PKD1L1: variants seen among roughly 807,000 people sequenced by gnomAD.
PKD1L1 encodes polycystin-1-like protein 1.
A neutral mutation model predicts 323.4 loss-of-function variants in PKD1L1; 236 were observed. That is an observed-to-expected ratio of 0.73 (90% CI 0.66 to 0.81). The LOEUF is 0.81. PKD1L1 is among the 40% of genes least tolerant of loss of function. The probability of loss-of-function intolerance (pLI) is 0.00; values close to 1 mark genes in which losing one functional copy is unlikely to be tolerated. For missense variants in PKD1L1, 3,320 were observed against 3,508.0 expected (o/e 0.95, Z 1.35); for synonymous variants, 1,344 against 1,335.0 (o/e 1.01, Z -0.15).
chr7:47,923,730 G>A (rs1185187301), intron 7 of PKD1L1, among the ~76,000 whole-genome samples: 1 of 151,880 alleles, frequency 6.6e-6, no homozygotes, highest in Non-Finnish European at 1.5e-5. Context: ...TTATGAGGAA[G>A]AACCATGAAT....
At chr7:47,781,463 C>T (rs1404314244) in intron 56 of PKD1L1, among the ~76,000 whole-genome samples, 1 of 139,742 alleles carries the variant, frequency 7.2e-6, no homozygotes, top group East Asian at 2.2e-4. Flanking sequence ...GGCTGGAGTG[C>T]AGTGGCGTGA....
At chr7:47,887,592 C>T (rs945669745) in intron 17 of PKD1L1, among the ~76,000 whole-genome samples, 2 of 152,234 alleles carry the variant, frequency 1.3e-5, no homozygotes, top group African/African-American at 2.4e-5. Flanking sequence ...TGGAACCTTC[C>T]GCCCTGGTTC....
chr7:47,933,220 CTG>C (rs1269585558), intron 4 of PKD1L1, among the ~76,000 whole-genome samples: 1 of 152,186 alleles, frequency 6.6e-6, no homozygotes, highest in East Asian at 1.9e-4. Context: ...TCTAAACTGA[CTG>C]ACGCCAAGTA....
chr7:47,824,147 T>A (rs1056538126), intron 45 of PKD1L1, among the ~76,000 whole-genome samples: 1 of 152,220 alleles, frequency 6.6e-6, no homozygotes, highest in African/African-American at 2.4e-5. Flanking sequence ...TACTTCTAAT[T>A]CTTTTTGGTG....
the PKD1L1 span, among the ~76,000 whole-genome samples, chr7:47,959,762 C>T: frequency 2.2e-5 from 3 of 138,564 alleles, no homozygotes; most frequent in Admixed American, 7.2e-5. Flanking sequence ...GTCAGCCCCC[C>T]GCCCGGCCAG....
At chr7:47,861,610 C>T (rs1376608270) in intron 26 of PKD1L1, among the ~76,000 whole-genome samples, 5 of 152,076 alleles carry the variant, frequency 3.3e-5, no homozygotes, top group Non-Finnish European at 4.4e-5. Flanking sequence ...GGACTGGGTA[C>T]GGTGGCTCAC....
intron 46 of PKD1L1, chr7:47,818,284 G>A (rs1054599536): frequency 9.5e-7 from 1 of 1,056,932 alleles, no homozygotes; most frequent in South Asian, 1.8e-5. Context: ...AGGGCGGGAG[G>A]GTAGGAAAGA....
At chr7:47,890,973 C>G (rs1279112313) in intron 15 of PKD1L1, among the ~76,000 whole-genome samples, 1 of 152,282 alleles carries the variant, frequency 6.6e-6, no homozygotes, top group East Asian at 1.9e-4. Flanking sequence ...TCAGGCCACC[C>G]CTCCCGACTC....
chr7:47,960,375 A>AT, the PKD1L1 span, among the ~76,000 whole-genome samples: 432 of 61,750 alleles, frequency 7.0e-3, 4 homozygotes, highest in African/African-American at 0.022. Context: ...ATAAAAAAAA[A>AT]TTAAAAAAAA....
chr7:47,902,898 C>T (rs1162514409), intron 12 of PKD1L1, among the ~76,000 whole-genome samples: 1 of 152,240 alleles, frequency 6.6e-6, no homozygotes, highest in African/African-American at 2.4e-5. Flanking sequence ...GGTACCCCAA[C>T]CCATAACTGG....
chr7:47,792,706 T>G lies in PKD1L1; in HGVS notation c.8447A>C (p.Glu2816Ala), dbSNP rs751793397. 1 of 1,614,170 alleles carries G rather than the reference T, an allele frequency of 6.2e-7. No homozygotes were observed. The highest frequency in any genetic ancestry group is 8.5e-7 in the Non-Finnish European group (1 of 1,180,004). Residue 2816 changes from glutamate (E) to alanine (A), a missense_variant, in exon 56 of 57, where the codon GAA (glutamate) becomes GCA (alanine). Coordinates refer to ENST00000289672, the MANE Select transcript of PKD1L1 (RefSeq NM_138295.5). ...LSDSLQLPLL[E>A]KTSNNTGEAR... ...CTCCCCTGTGTTGTTGGATGTTTTT[T>G]CCAGAAGGGGGAGTTGTAGGCTGTC...
Position 47,808,287 on chromosome 7 carries a change from C to T in PKD1L1, c.7787G>A (p.Arg2596Gln), listed in dbSNP as rs147668180. 4.3e-6 allele frequency: 7 copies of T among 1,614,118 alleles called. No individual in the cohort carries two copies. The highest frequency in any genetic ancestry group is 2.2e-5 in the South Asian group (2 of 91,070). The change falls in exon 52 of 57, where the codon CGA becomes CAA. Residue 2596 changes from arginine (R) to glutamine (Q), a missense_variant. By Grantham distance (43) the Arg-to-Gln change is conservative (BLOSUM62 1). Coordinates refer to ENST00000289672, the MANE Select transcript of PKD1L1 (RefSeq NM_138295.5). ...VTNQFHRGLCRAFMDLTLMAS... is the reference protein window; with the variant it reads ...VTNQFHRGLCQAFMDLTLMAS... ...CATAAGGGTGAGGTCCATAAATGCT[C>T]GGCAAAGTCCTCTGTGAAACTGGTT...
intron 12 of PKD1L1, among the ~76,000 whole-genome samples, chr7:47,903,318 T>G (rs138562931): frequency 6.6e-6 from 1 of 152,108 alleles, no homozygotes; most frequent in East Asian, 1.9e-4. Flanking sequence ...TTTTCTCAGG[T>G]TGTCAGAGCG....
intron 7 of PKD1L1, among the ~76,000 whole-genome samples, chr7:47,922,126 C>T (rs573568622): frequency 6.6e-6 from 1 of 152,354 alleles, no homozygotes; most frequent in African/African-American, 2.4e-5. Context: ...GTTGGCCGGG[C>T]TGGTCTCCAG....
intron 26 of PKD1L1, among the ~76,000 whole-genome samples, chr7:47,862,763 C>G (rs1171660516): frequency 6.6e-6 from 1 of 152,066 alleles, no homozygotes; most frequent in African/African-American, 2.4e-5. Context: ...GGCAGTACCC[C>G]TGGAGGATGG....
chr7:47,796,264 GC>G lies in PKD1L1; in HGVS notation c.8194-115del, dbSNP rs1211000742. The G allele has an allele frequency of 4.0e-5, 41 of 1,026,516 alleles. 1 individual carries two copies. In the South Asian group the frequency reaches 7.2e-4, roughly 18 times the overall value. The allele number at this position is 1,026,516 out of a possible 1,614,324, so 63.6% of individuals were successfully genotyped here. ...TATATCTGATGATGCTACTTTACGA[GC>G]TTTTGGTAAAATAGTGATTTCTTGG... is the stretch of plus-strand genomic sequence containing the variant. On this transcript the variant is annotated intron_variant, in intron 54 of 56. Transcript: ENST00000289672.
chr7:47,915,697 T>C lies in PKD1L1; in HGVS notation c.1061-98A>G, dbSNP rs186840766. On this transcript the variant is annotated intron_variant, in intron 7 of 56. Coordinates refer to ENST00000289672, the MANE Select transcript of PKD1L1 (RefSeq NM_138295.5). ...AAAATCTGAAAGCTAGTTCTTTAAA[T>C]AAACTAATGAAAATTTACCCAACCA... is the stretch of plus-strand genomic sequence containing the variant. 53 of 703,384 alleles carry C rather than the reference T, an allele frequency of 7.5e-5. No individual in the cohort carries two copies. The East Asian group carries it at 1.5e-3, about 19-fold the overall frequency. 43.6% of individuals were successfully genotyped at this position (703,384 alleles called of 1,614,324 possible).
chr7:47,893,893 G>A lies in PKD1L1; in HGVS notation c.2438C>T (p.Pro813Leu). 1.2e-6 allele frequency: 2 copies of A among 1,613,492 alleles called. No individual in the cohort carries two copies. Among genetic ancestry groups the A allele is most frequent in the African/African-American group, 2.7e-5 (2 of 75,036 alleles). ...TGGTGCTCACCTGAGAGTCGCCCCA[G>A]GGTCGTCAGGGTCGAAGGACTGGGT... ...RGTQSFDPDD[P>L]GATLRYHWEC... Residue 813 changes from proline (P) to leucine (L), a missense_variant, in exon 15 of 57, where the codon CCT (proline) becomes CTT (leucine). Physicochemically the swap from Pro to Leu is moderately conservative, Grantham distance 98. Coordinates refer to ENST00000289672, the MANE Select transcript of PKD1L1 (RefSeq NM_138295.5).
chr7:47,901,646 T>C (rs1037774974), intron 13 of PKD1L1, among the ~76,000 whole-genome samples: 16 of 152,142 alleles, frequency 1.1e-4, no homozygotes, highest in Non-Finnish European at 2.2e-4. Context: ...TGGGCAGGGG[T>C]ATTGCCTGTG....
Sources: gnomAD v4.1 joint callset for allele counts (sites outside exome capture counted in the v4.1 genomes callset) on GRCh38, gnomAD v4.1.1 for gene constraint, MANE v1.5 for transcripts, NCBI Gene and HGNC (gene_info 2026-07-23, HGNC 2026-07-21) for gene names.